Variants in ZNF516 observed in about 807,000 individuals in gnomAD.
The protein encoded by ZNF516 is zinc finger protein 516.
In ZNF516, 19 loss-of-function variants were observed where a neutral mutation model predicts 79.7. The ratio of observed to expected loss-of-function variants is 0.24; its 90% CI spans 0.17 to 0.35. The LOEUF (loss-of-function observed/expected upper bound fraction) is 0.35. Among genes scored for constraint, ZNF516 ranks in the 10% least tolerant of loss-of-function variants. ZNF516 has a pLI of 1.00. For synonymous variants in ZNF516, 877 were observed against 739.5 expected, an observed-to-expected ratio of 1.19 and a Z score of -3.02; for missense variants, 1,678 against 1,679.5, an observed-to-expected ratio of 1.00 and a Z score of 0.02.
Position 76,442,417 on chromosome 18 carries a change from T to A in ZNF516, c.638A>T (p.Glu213Val). The A allele has an allele frequency of 6.2e-7, 1 of 1,607,428 alleles. No individual in the cohort carries two copies. Among genetic ancestry groups the A allele is most frequent in the Non-Finnish European group, 8.5e-7 (1 of 1,179,644 alleles). The change falls in exon 3 of 7, where the codon GAG becomes GTG. Residue 213 changes from glutamate (E) to valine (V), a missense_variant. Glu to Val is a moderately radical substitution (Grantham distance 121). Coordinates refer to ENST00000443185, the MANE Select transcript of ZNF516 (RefSeq NM_014643.4). ...RLCSYATLRE[E>V]SLLSHIERDH... ...CCTCTCGATGTGGCTCAGCAGCGACTCCTCCCGCAGCGTCGCGTAGCTGCA... is the reference window on the plus strand; with the variant it reads ...CCTCTCGATGTGGCTCAGCAGCGACACCTCCCGCAGCGTCGCGTAGCTGCA...
intron 1 of ZNF516, among the ~76,000 whole-genome samples, chr18:76,479,044 G>A (rs1310502349): frequency 6.6e-6 from 1 of 150,402 alleles, no homozygotes; most frequent in African/African-American, 2.4e-5. Flanking sequence ...TGACAAGAGT[G>A]AGATTCTGTC....
rs2144833733 is a variant in ZNF516, at chr18:76,359,294, A to G, written c.*3204T>C. 1 of 152,294 alleles carries G rather than the reference A, an allele frequency of 6.6e-6. No homozygotes were observed. Among genetic ancestry groups the G allele is most frequent in the African/African-American group, 2.4e-5 (1 of 41,562 alleles). The allele number at this position is 152,294 out of a possible 1,614,324, so 9.4% of individuals were successfully genotyped here. ...TTTCAGAGCCTCAAAGGCAAAATTCACCTGGCTTTGAAGCCAAATCTGTAT... is the reference window on the plus strand; with the variant it reads ...TTTCAGAGCCTCAAAGGCAAAATTCGCCTGGCTTTGAAGCCAAATCTGTAT... On this transcript the variant is annotated 3_prime_UTR_variant, in exon 7 of 7. Transcript: ENST00000443185.
rs546162775 is a variant in ZNF516, at chr18:76,358,471, C to T, written c.*4027G>A. The T allele has an allele frequency of 3.8e-4, 58 of 152,310 alleles. No homozygotes were observed. Among genetic ancestry groups the T allele is most frequent in the Middle Eastern group, 6.8e-3 (2 of 294 alleles). The allele number at this position is 152,310 out of a possible 1,614,324, so 9.4% of individuals were successfully genotyped here. On this transcript the variant is annotated 3_prime_UTR_variant, in exon 7 of 7. Transcript: ENST00000443185. The stretch of plus-strand genomic sequence containing the variant: ...GAACATTTTCCCTTGGGCGGGTGGC[C>T]CTTGGTCACTCCCACAGGCACGTTA...
intron 3 of ZNF516, among the ~76,000 whole-genome samples, chr18:76,405,201 G>GC (rs1315713703): frequency 6.6e-6 from 1 of 152,086 alleles, no homozygotes; most frequent in Non-Finnish European, 1.5e-5. Context: ...AAACCCAAGG[G>GC]CCCCCCGAAC....
At chr18:76,462,086 C>T (rs1323248848) in intron 2 of ZNF516, among the ~76,000 whole-genome samples, 1 of 152,228 alleles carries the variant, frequency 6.6e-6, no homozygotes, top group Non-Finnish European at 1.5e-5. Context: ...CTTCCAGCAT[C>T]TACCTTTTTT....
In ZNF516 at chr18:76,463,058, T is replaced by C. The variant is rs553414768; in HGVS notation, c.-188A>G. 3 of 152,344 alleles carry C rather than the reference T, an allele frequency of 2.0e-5. No individual in the cohort carries two copies. The highest frequency in any genetic ancestry group is 1.9e-4 in the East Asian group (1 of 5,186). The allele number at this position is 152,344 out of a possible 1,614,324, so 9.4% of individuals were successfully genotyped here. The stretch of plus-strand genomic sequence containing the variant: ...CTTTCCTGGGAATGTGGAAATGCAA[T>C]GACAACGCTCCCAGTTGGATGCTGG... On this transcript the variant is annotated 5_prime_UTR_variant, in exon 2 of 7. Transcript: ENST00000443185.
chr18:76,363,564 AAGTGGTGG>A (rs2074571254), intron 6 of ZNF516, among the ~76,000 whole-genome samples: 1 of 152,234 alleles, frequency 6.6e-6, no homozygotes, highest in South Asian at 2.1e-4. Context: ...GGGGTGGGCA[AAGTGGTGG>A]AGACAGCAGT....
chr18:76,457,640 C>T (rs1912810166), intron 2 of ZNF516, among the ~76,000 whole-genome samples: 1 of 152,124 alleles, frequency 6.6e-6, no homozygotes, highest in Non-Finnish European at 1.5e-5. Context: ...TCCCTGACGC[C>T]GGGGAGGTCG....
chr18:76,360,646 AATATAT>A lies in ZNF516; in HGVS notation c.*1846_*1851del, dbSNP rs61233300. The A allele has an allele frequency of 1.9e-4, 14 of 72,460 alleles. No homozygotes were observed. Among genetic ancestry groups the A allele is most frequent in the African/African-American group, 3.7e-4 (6 of 16,376 alleles). 4.5% of individuals were successfully genotyped at this position (72,460 alleles called of 1,614,324 possible). ...AAAAAAATAAGTAAAAAAAAAAAAA[AATATAT>A]ATATATATATATATATATATATATA... On this transcript the variant is annotated 3_prime_UTR_variant, in exon 7 of 7. Coordinates refer to ENST00000443185, the MANE Select transcript of ZNF516 (RefSeq NM_014643.4).
chr18:76,426,184 TA>T (rs541647852), intron 3 of ZNF516, among the ~76,000 whole-genome samples: 26 of 152,358 alleles, frequency 1.7e-4, no homozygotes, highest in Admixed American at 5.9e-4. Context: ...TCCACGTGTT[TA>T]AAGTATTAAC....
intron 4 of ZNF516, among the ~76,000 whole-genome samples, chr18:76,373,632 T>C (rs1165853435): frequency 6.6e-6 from 1 of 152,196 alleles, no homozygotes; most frequent in Non-Finnish European, 1.5e-5. Context: ...CTATTTCCTA[T>C]CCAAATGAGC....
intron 3 of ZNF516, among the ~76,000 whole-genome samples, chr18:76,392,045 A>G (rs1303200362): frequency 6.6e-6 from 1 of 152,234 alleles, no homozygotes; most frequent in Non-Finnish European, 1.5e-5. Flanking sequence ...GGGAGCACAC[A>G]GCTGAAGAAG....
chr18:76,375,988 C>T (rs550569408), intron 4 of ZNF516, among the ~76,000 whole-genome samples: 18 of 148,998 alleles, frequency 1.2e-4, no homozygotes, highest in African/African-American at 3.5e-4. Flanking sequence ...CGGAAGGTCC[C>T]GGAGACCAGG....
At chr18:76,492,648 C>A in intron 1 of ZNF516, 1 of 907,070 alleles carries the variant, frequency 1.1e-6, no homozygotes, top group Non-Finnish European at 1.3e-6. Flanking sequence ...GAACCAAAAA[C>A]GCACCAGGGC....
In ZNF516 at chr18:76,358,308, A is replaced by G. The variant is rs535669367; in HGVS notation, c.*4190T>C. The G allele has an allele frequency of 6.6e-6, 1 of 152,392 alleles. No individual in the cohort carries two copies. The highest frequency in any genetic ancestry group is 2.1e-4 in the South Asian group (1 of 4,830). 9.4% of individuals were successfully genotyped at this position (152,392 alleles called of 1,614,324 possible). A position where few individuals can be genotyped will look rare whatever the true frequency, so the allele number is the denominator to read the frequency against. On this transcript the variant is annotated 3_prime_UTR_variant, in exon 7 of 7. Coordinates refer to ENST00000443185, the MANE Select transcript of ZNF516 (RefSeq NM_014643.4). The stretch of plus-strand genomic sequence containing the variant: ...TACTTTTTCAGAAATAGTTAAATAC[A>G]TCAATCTAGTTACAAATTCTAATAT...
At chr18:76,464,321 G>A (rs755242593) in intron 1 of ZNF516, among the ~76,000 whole-genome samples, 4 of 152,122 alleles carry the variant, frequency 2.6e-5, no homozygotes, top group Admixed American at 2.0e-4. Flanking sequence ...GCAGTGAGTC[G>A]AGATCATACC....
chr18:76,405,626 C>T (rs1212625296), intron 3 of ZNF516, among the ~76,000 whole-genome samples: 1 of 151,968 alleles, frequency 6.6e-6, no homozygotes, highest in Non-Finnish European at 1.5e-5. Context: ...TGCGGTTCTG[C>T]TTGCGGTTCA....
rs771426674 is a variant in ZNF516 at position 76,442,433 on chromosome 18, C to T, written c.622G>A (p.Ala208Thr). ...AGCAGCGACTCCTCCCGCAGCGTCG[C>T]GTAGCTGCACAGCCTGCACTTGAAC... ...KPFKCRLCSYATLREESLLSH... is the reference protein window; with the variant it reads ...KPFKCRLCSYTTLREESLLSH... The change falls in exon 3 of 7, where the codon GCG becomes ACG. Residue 208 changes from alanine to threonine, a missense_variant. Physicochemically the swap from Ala to Thr is moderately conservative, Grantham distance 58. Around this residue, in one of 5 missense-constraint regions of ZNF516, gnomAD observed 279 missense variants for 254.1 expected, o/e 1.10. Transcript: ENST00000443185. 8 of 1,606,734 alleles carry T rather than the reference C, an allele frequency of 5.0e-6. No individual in the cohort carries two copies. Among genetic ancestry groups the T allele is most frequent in the South Asian group, 4.4e-5 (4 of 91,070 alleles).
intron 3 of ZNF516, among the ~76,000 whole-genome samples, chr18:76,381,493 A>C (rs1174828050): frequency 6.6e-6 from 1 of 152,226 alleles, no homozygotes; most frequent in African/African-American, 2.4e-5. Context: ...AGTAAAATGG[A>C]GGGATCTGCT....
Sources: allele counts gnomAD v4.1 joint callset (sites outside exome capture counted in the v4.1 genomes callset), GRCh38; gene constraint gnomAD v4.1.1; regional missense constraint gnomAD v4.1.1; transcripts MANE v1.5; gene names NCBI Gene and HGNC (gene_info 2026-07-23, HGNC 2026-07-21).